MOK: variants seen among roughly 807,000 people sequenced by gnomAD.
MOK encodes the protein MOK protein kinase.
A neutral mutation model predicts 54.2 loss-of-function variants in MOK; 59 were observed. That is an observed-to-expected ratio of 1.09 (90% CI 0.88 to 1.35). The LOEUF is 1.35. Ranked by LOEUF, MOK falls within the 40% of genes most tolerant of loss-of-function variation. MOK has a pLI of 0.00. For missense variants in MOK, 517 were observed against 526.2 expected, an observed-to-expected ratio of 0.98 and a Z score of 0.17; for synonymous variants, 210 against 202.7, an observed-to-expected ratio of 1.04 and a Z score of -0.31.
intron 1 of MOK, among the ~76,000 whole-genome samples, chr14:102,289,005 C>T (rs539041238): frequency 5.9e-5 from 9 of 152,208 alleles, no homozygotes; most frequent in South Asian, 4.1e-4. Flanking sequence ...TAGGCTCAAG[C>T]GATCATCCCA....
intron 2 of MOK, among the ~76,000 whole-genome samples, chr14:102,276,142 G>A (rs997429440): frequency 2.6e-5 from 4 of 152,242 alleles, no homozygotes; most frequent in East Asian, 1.9e-4. Flanking sequence ...ATCAAATGCC[G>A]GTGGGAATAT....
chr14:102,285,867 G>A (rs1314519812), intron 1 of MOK, among the ~76,000 whole-genome samples: 1 of 152,106 alleles, frequency 6.6e-6, no homozygotes, highest in Non-Finnish European at 1.5e-5. Context: ...ACTCCAGCTT[G>A]GGGGACAAGA....
rs2065240668 is a variant in MOK at position 102,236,619 on chromosome 14, C to G, written c.591-2830G>C. ...CTCCTACTCCTCTATGCGAGTCCAGCCCCTGACCCCTCTCCCCAGTACCCA... is the reference window on the plus strand; with the variant it reads ...CTCCTACTCCTCTATGCGAGTCCAGGCCCTGACCCCTCTCCCCAGTACCCA... On this transcript the variant is annotated intron_variant, in intron 7 of 11. Coordinates refer to ENST00000361847, the MANE Select transcript of MOK (RefSeq NM_014226.3). This position sits in a 1 kb window ranked among gnomAD's most constrained non-coding sequence, Gnocchi z 4.5. 1.3e-5 allele frequency among the ~76,000 whole-genome samples: 2 copies of G among 152,252 alleles called. No homozygotes were observed. Among genetic ancestry groups the G allele is most frequent in the South Asian group, 4.2e-4 (2 of 4,818 alleles).
intron 4 of MOK, among the ~76,000 whole-genome samples, chr14:102,261,385 C>CAAAAAA (rs1178540689): frequency 1.5e-4 from 1 of 6,488 alleles, no homozygotes; most frequent in Non-Finnish European, 3.0e-4. Context: ...CGCCACGTCT[C>CAAAAAA]AAAAAAAAAA....
At chr14:102,276,715 C>A (rs1219587844) in intron 2 of MOK, among the ~76,000 whole-genome samples, 1 of 150,402 alleles carries the variant, frequency 6.6e-6, no homozygotes, top group Non-Finnish European at 1.5e-5. Flanking sequence ...CACTTGAACC[C>A]AGGAGGCGGA....
At chr14:102,257,115 C>T (rs1312452513) in intron 4 of MOK, among the ~76,000 whole-genome samples, 2 of 150,904 alleles carry the variant, frequency 1.3e-5, no homozygotes, top group African/African-American at 4.9e-5. Context: ...CATGCCAGGC[C>T]TGAACGTCCA....
chr14:102,219,669 C>T (rs1350897988), downstream of MOK, among the ~76,000 whole-genome samples: 2 of 152,246 alleles, frequency 1.3e-5, no homozygotes, highest in Admixed American at 6.5e-5. Flanking sequence ...GGGTTTTTCA[C>T]CGGTGGCCAA....
At chr14:102,269,414 A>T (rs576251795) in intron 2 of MOK, among the ~76,000 whole-genome samples, 2 of 149,968 alleles carry the variant, frequency 1.3e-5, no homozygotes, top group African/African-American at 4.9e-5. Flanking sequence ...TCGACCCCCA[A>T]CCTGAGGTGA....
chr14:102,224,471 AT>A (rs1032943417), downstream of MOK: 3 of 411,622 alleles, frequency 7.3e-6, no homozygotes, highest in South Asian at 3.5e-5. Context: ...ATGTTTATTT[AT>A]TTTTTTAAAA....
intron 2 of MOK, among the ~76,000 whole-genome samples, chr14:102,276,827 T>G (rs1375553584): frequency 1.3e-5 from 2 of 151,152 alleles, no homozygotes; most frequent in Middle Eastern, 3.2e-3. Context: ...AAATGAAATA[T>G]GCACCAGTAG....
At chr14:102,251,507 G>T (rs969636544) in intron 6 of MOK, 2 of 582,756 alleles carry the variant, frequency 3.4e-6, no homozygotes, top group Admixed American at 2.2e-5. Flanking sequence ...GTCTGAATAG[G>T]GTTCATTTTT....
At chr14:102,284,689 G>C (rs1456412585) in intron 1 of MOK, among the ~76,000 whole-genome samples, 2 of 152,162 alleles carry the variant, frequency 1.3e-5, no homozygotes, top group African/African-American at 4.8e-5. Flanking sequence ...TCACAGGAAG[G>C]CTGTTACAAT....
chr14:102,272,988 G>A (rs537732724), intron 2 of MOK, among the ~76,000 whole-genome samples: 1 of 152,220 alleles, frequency 6.6e-6, no homozygotes, highest in East Asian at 1.9e-4. Context: ...TGGCCAATAC[G>A]GTTAAACCCT....
chr14:102,286,308 A>C (rs1333663334), intron 1 of MOK, among the ~76,000 whole-genome samples: 1 of 143,608 alleles, frequency 7.0e-6, no homozygotes, highest in Non-Finnish European at 1.5e-5. Context: ...CAAAAAAAAA[A>C]AAAAAAAAAA....
At chr14:102,252,038 C>A (rs929962745) in intron 4 of MOK, 43 bp from the exon 5 acceptor site, 1 of 1,052,138 alleles carries the variant, frequency 9.5e-7, no homozygotes, top group African/African-American at 1.6e-5. Flanking sequence ...ACTGATGGTA[C>A]ATATCCTCTT....
At chr14:102,293,843 A>G (rs2071078660) in intron 1 of MOK, among the ~76,000 whole-genome samples, 1 of 152,166 alleles carries the variant, frequency 6.6e-6, no homozygotes, top group Admixed American at 6.6e-5. Context: ...ACATTACTCA[A>G]TGTTCGCAAT....
chr14:102,298,926 C>T (rs1282980485), intron 1 of MOK, among the ~76,000 whole-genome samples: 1 of 152,182 alleles, frequency 6.6e-6, no homozygotes, highest in African/African-American at 2.4e-5. Context: ...ATAACACTCA[C>T]CGCGAAGGTC....
At chr14:102,292,421 C>T (rs556811107) in intron 1 of MOK, among the ~76,000 whole-genome samples, 2 of 151,880 alleles carry the variant, frequency 1.3e-5, no homozygotes, top group East Asian at 3.9e-4. Context: ...TGCAGTGAGC[C>T]GAGATAGCAC....
At chr14:102,220,592 C>T (rs752107390), downstream of MOK, among the ~76,000 whole-genome samples, 1 of 151,790 alleles carries the variant, frequency 6.6e-6, no homozygotes, top group Non-Finnish European at 1.5e-5. This position sits in a 1 kb window ranked among gnomAD's most constrained non-coding sequence, Gnocchi z 4.2. Flanking sequence ...TGGTGGCAGG[C>T]GCCTGTAGTC....
Sources: gnomAD v4.1 joint callset for allele counts (sites outside exome capture counted in the v4.1 genomes callset) on GRCh38, gnomAD v4.1.1 for gene constraint, Gnocchi (gnomAD v3.1) non-coding constraint, MANE v1.5 for transcripts, NCBI Gene and HGNC (gene_info 2026-07-23, HGNC 2026-07-21) for gene names.